TRHDE: variants seen among roughly 807,000 people sequenced by gnomAD.
TRHDE encodes the protein thyrotropin releasing hormone degrading enzyme.
In TRHDE, 72 loss-of-function variants were observed where a neutral mutation model predicts 125.7. That is an observed-to-expected ratio of 0.57 (90% CI 0.47 to 0.70). The LOEUF (loss-of-function observed/expected upper bound fraction) is 0.70. Among genes scored for constraint, TRHDE ranks in the 30% least tolerant of loss-of-function variants. The pLI, the probability that TRHDE is intolerant of heterozygous loss-of-function variation, is 0.00. For missense variants in TRHDE, 1,110 were observed against 1,327.1 expected (o/e 0.84, Z 2.54); for synonymous variants, 509 against 509.1 (o/e 1.00, Z 0.00).
At chr12:72,513,152 T>G (rs975435755) in intron 6 of TRHDE, among the ~76,000 whole-genome samples, 1 of 152,162 alleles carries the variant, frequency 6.6e-6, no homozygotes, top group Non-Finnish European at 1.5e-5. Context: ...AGGTCACCTT[T>G]TATCACTATT....
intron 12 of TRHDE, among the ~76,000 whole-genome samples, chr12:72,617,344 G>C (rs1328357237): frequency 2.0e-5 from 3 of 151,896 alleles, no homozygotes; most frequent in African/African-American, 7.3e-5. Context: ...CTTCAGAATT[G>C]GTTTTTATTA....
chr12:72,643,990 T>C (rs537959829), intron 15 of TRHDE, among the ~76,000 whole-genome samples: 1 of 152,296 alleles, frequency 6.6e-6, no homozygotes, highest in African/African-American at 2.4e-5. Context: ...GTCATGGCAA[T>C]GATACCCTCT....
At chr12:72,450,930 C>A (rs539819723) in intron 3 of TRHDE, among the ~76,000 whole-genome samples, 1 of 152,002 alleles carries the variant, frequency 6.6e-6, no homozygotes, top group Non-Finnish European at 1.5e-5. Context: ...TACTTCTTGG[C>A]CATTTGTATG....
chr12:72,533,374 C>T (rs946508016), intron 6 of TRHDE, among the ~76,000 whole-genome samples: 27 of 152,126 alleles, frequency 1.8e-4, no homozygotes, highest in African/African-American at 6.0e-4. Flanking sequence ...GGGGTTTCAC[C>T]ATGTTGGCCA....
intron 3 of TRHDE, among the ~76,000 whole-genome samples, chr12:72,381,586 C>G (rs921446184): frequency 6.6e-6 from 1 of 151,664 alleles, no homozygotes; most frequent in African/African-American, 2.4e-5. Context: ...TTAGTAGAGA[C>G]GGGGTTTCAC....
chr12:72,203,510 G>T (rs1478772780), intron 2 of TRHDE, among the ~76,000 whole-genome samples: 1 of 152,068 alleles, frequency 6.6e-6, no homozygotes, highest in African/African-American at 2.4e-5. Flanking sequence ...GTCTAATGGT[G>T]CAGCATGTGG....
Position 72,668,578 on chromosome 12 carries a change from TG to T in TRHDE, c.*5384del, listed in dbSNP as rs1166242622. The T allele has an allele frequency of 9.9e-5, 15 of 151,990 alleles. No homozygotes were observed. Among genetic ancestry groups the T allele is most frequent in the Admixed American group, 7.2e-4 (11 of 15,226 alleles). 9.4% of individuals were successfully genotyped at this position (151,990 alleles called of 1,614,324 possible). On this transcript the variant is annotated 3_prime_UTR_variant, in exon 19 of 19. Transcript: ENST00000261180. ...ACTGATTCTTTTGTTTTGAATTAAA[TG>T]TTTGTGCTGTATTAATGTTAAGTGA...
chr12:72,320,190 A>G (rs1013054541), intron 2 of TRHDE, among the ~76,000 whole-genome samples: 6 of 152,090 alleles, frequency 3.9e-5, no homozygotes, highest in African/African-American at 1.2e-4. Context: ...AGGCATGTAC[A>G]TACATATACG....
chr12:72,138,653 T>A (rs1461434009), intron 2 of TRHDE, among the ~76,000 whole-genome samples: 3 of 152,220 alleles, frequency 2.0e-5, no homozygotes, highest in Non-Finnish European at 4.4e-5. Flanking sequence ...TAACATCAGA[T>A]AATTGTGTGC....
intron 2 of TRHDE, among the ~76,000 whole-genome samples, chr12:72,359,364 C>G (rs1333254594): frequency 6.6e-6 from 1 of 151,614 alleles, no homozygotes; most frequent in Non-Finnish European, 1.5e-5. Context: ...AGGGTACCAT[C>G]TTTCATGGCT....
intron 2 of TRHDE, among the ~76,000 whole-genome samples, chr12:72,208,614 C>G (rs35077498): frequency 0.074 from 11,330 of 152,140 alleles, 688 homozygotes; most frequent in African/African-American, 0.16. Flanking sequence ...TCCTCTGCAT[C>G]TATTTTTTTC....
At chr12:72,098,368 C>T (rs1874986187) in intron 1 of TRHDE, among the ~76,000 whole-genome samples, 1 of 152,082 alleles carries the variant, frequency 6.6e-6, no homozygotes, top group Non-Finnish European at 1.5e-5. Context: ...ACAACTAGGA[C>T]CTTGAAATGC....
At chr12:72,098,839 C>T (rs1200789666) in intron 1 of TRHDE, among the ~76,000 whole-genome samples, 1 of 152,138 alleles carries the variant, frequency 6.6e-6, no homozygotes, top group East Asian at 1.9e-4. Context: ...AGCAGAGGAA[C>T]TGCTGAGTCA....
chr12:72,221,514 G>A lies in TRHDE; in HGVS notation n.279+115762G>A, dbSNP rs188472838. 9.9e-5 allele frequency among the ~76,000 whole-genome samples: 15 copies of A among 152,166 alleles called. No individual in the cohort carries two copies. In the East Asian group the frequency reaches 2.3e-3, roughly 24 times the overall value. On this transcript the variant is annotated intron_variant and non_coding_transcript_variant, in intron 2 of 4. Transcript: ENST00000548156. ...CTGAAATGGCAATTCAGGATGAGAA[G>A]AGTCCTACTCATTATTAAAATGTAG...
At chr12:72,434,450 T>A (rs992295728) in intron 3 of TRHDE, among the ~76,000 whole-genome samples, 6 of 151,506 alleles carry the variant, frequency 4.0e-5, no homozygotes, top group Admixed American at 6.6e-5. Context: ...ATACTTTATA[T>A]GTTTGCTGTT....
intron 6 of TRHDE, among the ~76,000 whole-genome samples, chr12:72,532,375 T>G (rs1297014521): frequency 2.0e-5 from 3 of 151,546 alleles, no homozygotes; most frequent in Non-Finnish European, 4.4e-5. Context: ...TGTGAGAACT[T>G]TCACATCATC....
chr12:72,422,381 A>G (rs1873994600), intron 3 of TRHDE, among the ~76,000 whole-genome samples: 1 of 152,220 alleles, frequency 6.6e-6, no homozygotes, highest in Non-Finnish European at 1.5e-5. Flanking sequence ...TTAGCTGTGA[A>G]AGAAAAGATA....
intron 2 of TRHDE, among the ~76,000 whole-genome samples, chr12:72,199,821 T>C (rs1422540306): frequency 6.6e-6 from 1 of 152,224 alleles, no homozygotes; most frequent in Non-Finnish European, 1.5e-5. Flanking sequence ...TTCTGGTCTC[T>C]ATATACCAGT....
At chr12:72,206,201 T>C (rs913629283) in intron 2 of TRHDE, among the ~76,000 whole-genome samples, 1 of 151,696 alleles carries the variant, frequency 6.6e-6, no homozygotes, top group East Asian at 1.9e-4. Context: ...ATTCTCCTCC[T>C]TCAGCCTCCC....
Sources: allele counts gnomAD v4.1 joint callset (sites outside exome capture counted in the v4.1 genomes callset), GRCh38; gene constraint gnomAD v4.1.1; transcripts MANE v1.5; gene names NCBI Gene and HGNC (gene_info 2026-07-23, HGNC 2026-07-21).